Variants in PARPBP observed in about 807,000 individuals in gnomAD.
PARPBP encodes the protein PCNA-interacting partner.
Under a neutral mutation model 50.0 loss-of-function variants are expected in PARPBP, and 52 were observed. The ratio of observed to expected loss-of-function variants is 1.04; its 90% CI spans 0.83 to 1.31. The LOEUF (loss-of-function observed/expected upper bound fraction) is 1.31. PARPBP is among the 50% of genes most tolerant of loss of function. The probability of loss-of-function intolerance (pLI) is 0.00; values close to 1 mark genes in which losing one functional copy is unlikely to be tolerated. For synonymous variants in PARPBP, 244 were observed against 232.1 expected, an observed-to-expected ratio of 1.05 and a Z score of -0.47; for missense variants, 697 against 672.0, an observed-to-expected ratio of 1.04 and a Z score of -0.41.
At chr12:102,151,136 C>T (rs189997201) in intron 3 of PARPBP, among the ~76,000 whole-genome samples, 52 of 152,242 alleles carry the variant, frequency 3.4e-4, no homozygotes, top group African/African-American at 1.0e-3. Flanking sequence ...CGTAACAGAA[C>T]AGAGCTACTG....
At position 102,197,071 on chromosome 12, in the gene PARPBP, T is replaced by A. The variant is rs755975951; in HGVS notation, c.*780T>A. 1.9e-6 allele frequency: 3 copies of A among 1,612,286 alleles called. No individual in the cohort carries two copies. The East Asian group carries it at 6.7e-5, about 36-fold the overall frequency. On this transcript the variant is annotated 3_prime_UTR_variant, in exon 11 of 11. Transcript: ENST00000327680. ...TGATTCAGTATTCTGAACTCCATTCTCAGCTGGGAAAGCTACAGATCCTTT... is the reference window on the plus strand; with the variant it reads ...TGATTCAGTATTCTGAACTCCATTCACAGCTGGGAAAGCTACAGATCCTTT...
chr12:102,123,725 T>A (rs1275349545), intron 1 of PARPBP, among the ~76,000 whole-genome samples, 161 bp from the exon 2 acceptor site: 2 of 152,208 alleles, frequency 1.3e-5, no homozygotes, highest in African/African-American at 2.4e-5. Context: ...GAAATTGTAT[T>A]ATTTTGTTTT....
Position 102,197,102 on chromosome 12 carries a change from C to A in PARPBP, c.*811C>A. ...GGGAAAGCTACAGATCCTTTTAGTG[C>A]AAGATAAGGTTTTATAGCCAGATTC... is the stretch of plus-strand genomic sequence containing the variant. On this transcript the variant is annotated 3_prime_UTR_variant, in exon 11 of 11. Coordinates refer to ENST00000327680, the MANE Select transcript of PARPBP (RefSeq NM_017915.5). The A allele has an allele frequency of 6.2e-7, 1 of 1,612,078 alleles. No homozygotes were observed. Among genetic ancestry groups the A allele is most frequent in the Non-Finnish European group, 8.5e-7 (1 of 1,178,580 alleles).
intron 6 of PARPBP, among the ~76,000 whole-genome samples, chr12:102,173,215 T>C (rs1888926366): frequency 6.6e-6 from 1 of 152,230 alleles, no homozygotes; most frequent in Non-Finnish European, 1.5e-5. Context: ...ATACCCATTC[T>C]ACAGGGCTAA....
intron 2 of PARPBP, among the ~76,000 whole-genome samples, chr12:102,131,326 A>C (rs1882822631): frequency 6.6e-6 from 1 of 152,250 alleles, no homozygotes; most frequent in Admixed American, 6.5e-5. Context: ...CTCTGTCTCA[A>C]AAGAAAAAAC....
intron 4 of PARPBP, among the ~76,000 whole-genome samples, chr12:102,157,334 T>C (rs12308006): frequency 0.29 from 43,598 of 152,094 alleles, 6,691 homozygotes; most frequent in East Asian, 0.42. Context: ...AATAAGAAAA[T>C]TTAAATAAGT....
chr12:102,177,758 T>C (rs1287684724), intron 7 of PARPBP, among the ~76,000 whole-genome samples: 1 of 152,170 alleles, frequency 6.6e-6, no homozygotes, highest in Admixed American at 6.5e-5. Context: ...AGCAAGAGAT[T>C]TTTCCTCTGT....
intron 1 of PARPBP, among the ~76,000 whole-genome samples, chr12:102,120,694 T>G (rs1880890682): frequency 1.3e-5 from 2 of 152,166 alleles, no homozygotes; most frequent in African/African-American, 4.8e-5. Context: ...TGATGTTGAG[T>G]GCAATTTTTA....
At chr12:102,162,183 C>G (rs1887673301) in intron 4 of PARPBP, among the ~76,000 whole-genome samples, 1 of 152,040 alleles carries the variant, frequency 6.6e-6, no homozygotes, top group African/African-American at 2.4e-5. Flanking sequence ...TTTTTTATTG[C>G]TGCCTTTTTT....
rs1052832421 is a variant in PARPBP, at chr12:102,196,532, A to G, written c.*241A>G. ...TCAGTTACTGATACATCTTAACACT[A>G]CTTTCTTTTAAAACAGACATTTAAC... On this transcript the variant is annotated 3_prime_UTR_variant, in exon 11 of 11. Coordinates refer to ENST00000327680, the MANE Select transcript of PARPBP (RefSeq NM_017915.5). The G allele has an allele frequency of 7.3e-6, 6 of 817,752 alleles. No homozygotes were observed. The highest frequency in any genetic ancestry group is 1.1e-5 in the Non-Finnish European group (5 of 471,648). The allele number at this position is 817,752 out of a possible 1,614,324, so 50.7% of individuals were successfully genotyped here.
At chr12:102,130,458 C>T (rs1357293992) in intron 2 of PARPBP, among the ~76,000 whole-genome samples, 1 of 151,910 alleles carries the variant, frequency 6.6e-6, no homozygotes, top group African/African-American at 2.4e-5. Context: ...AGACAACCTA[C>T]AGCATAGGAG....
At chr12:102,158,120 CAAAAAAA>C (rs55962862) in intron 4 of PARPBP, among the ~76,000 whole-genome samples, 1 of 47,992 alleles carries the variant, frequency 2.1e-5, no homozygotes, top group African/African-American at 8.5e-5. Flanking sequence ...GACTCCATCT[CAAAAAAA>C]AAAAAAAAAA....
At chr12:102,154,005 C>T (rs1476506299) in intron 4 of PARPBP, 29 bp downstream of exon 4, 3 of 1,248,322 alleles carry the variant, frequency 2.4e-6, no homozygotes, top group African/African-American at 3.0e-5. Flanking sequence ...TAAATTAAAG[C>T]AGACTATAAT....
intron 2 of PARPBP, among the ~76,000 whole-genome samples, chr12:102,136,939 G>T (rs1437170515): frequency 4.0e-5 from 6 of 151,720 alleles, no homozygotes; most frequent in African/African-American, 1.5e-4. Context: ...TTTTTGTTTT[G>T]TTTTGTGTTT....
rs573764726 is a variant in PARPBP at position 102,153,385 on chromosome 12, G to T, written c.388-484G>T. ...TTTTGAGACAGGGTATCACTCTGGC[G>T]CCCAGGTTGGAGTGCAGTGGTGTAG... is the stretch of plus-strand genomic sequence containing the variant. On this transcript the variant is annotated intron_variant, in intron 3 of 10. Coordinates refer to ENST00000327680, the MANE Select transcript of PARPBP (RefSeq NM_017915.5). 3.9e-5 allele frequency among the ~76,000 whole-genome samples: 6 copies of T among 152,242 alleles called. No individual in the cohort carries two copies. The East Asian group carries it at 1.2e-3, about 29-fold the overall frequency.
rs563774389 is a variant in PARPBP, at chr12:102,156,679, G to T, written c.495+2703G>T. ...TTTTGAGGCAGAGGCTTACTGTGTT[G>T]CCCAGGCTGAAGTGCAGTGTGGCAC... On this transcript the variant is annotated intron_variant, in intron 4 of 10. Transcript: ENST00000327680. Among the ~76,000 whole-genome samples, 896 of 151,950 alleles carry T rather than the reference G, an allele frequency of 5.9e-3. 11 individuals are homozygous for T. The highest frequency in any genetic ancestry group is 0.02 in the African/African-American group (840 of 41,452).
chr12:102,156,200 T>TTC (rs1270984430), intron 4 of PARPBP, among the ~76,000 whole-genome samples: 1 of 140,966 alleles, frequency 7.1e-6, no homozygotes, highest in Non-Finnish European at 1.5e-5. Context: ...TTTTTTTTTT[T>TTC]TTTTGAGACG....
chr12:102,133,247 A>G (rs1883134393), intron 2 of PARPBP, among the ~76,000 whole-genome samples: 1 of 152,140 alleles, frequency 6.6e-6, no homozygotes, highest in Non-Finnish European at 1.5e-5. Flanking sequence ...AAATCTTTCA[A>G]CTTTTTCACT....
At chr12:102,141,818 CT>C (rs1412429154) in intron 2 of PARPBP, among the ~76,000 whole-genome samples, 1 of 152,212 alleles carries the variant, frequency 6.6e-6, no homozygotes, top group Non-Finnish European at 1.5e-5. Flanking sequence ...TTGGCCCCCA[CT>C]GTCTTCTGGC....
Sources: allele counts gnomAD v4.1 joint callset (sites outside exome capture counted in the v4.1 genomes callset), GRCh38; gene constraint gnomAD v4.1.1; transcripts MANE v1.5; gene names NCBI Gene and HGNC (gene_info 2026-07-23, HGNC 2026-07-21).